Variants in CFP observed in about 807,000 individuals in gnomAD.
CFP encodes the protein properdin.
In CFP, 14 loss-of-function variants were observed where a neutral mutation model predicts 42.1. That is an observed-to-expected ratio of 0.33 (90% CI 0.22 to 0.52). CFP has a LOEUF of 0.52. CFP is among the 20% of genes least tolerant of loss of function. The probability of loss-of-function intolerance (pLI) is 0.96; values close to 1 mark genes in which losing one functional copy is unlikely to be tolerated. For synonymous variants in CFP, 149 were observed against 160.6 expected, an observed-to-expected ratio of 0.93 and a Z score of 0.54; for missense variants, 318 against 400.4, an observed-to-expected ratio of 0.79 and a Z score of 1.76.
At chrX:47,625,298 C>G (rs2057964205) in intron 8 of CFP, 1 of 112,674 alleles carries the variant, frequency 8.9e-6, no homozygotes, top group South Asian at 3.7e-4. Flanking sequence ...GCCGGGAGAT[C>G]CCTTCCCAGA....
At position 47,623,306 on chromosome X, in the gene CFP, G is replaced by A. The variant is rs899942195; in HGVS notation, c.*969C>T. 1 of 112,345 alleles carries A rather than the reference G, an allele frequency of 8.9e-6. No homozygotes were observed. The highest frequency in any genetic ancestry group is 3.2e-5 in the African/African-American group (1 of 30,843). The allele number at this position is 112,345 out of a possible 1,213,427, so 9.3% of individuals were successfully genotyped here. On this transcript the variant is annotated 3_prime_UTR_variant, in exon 9 of 9. Coordinates refer to ENST00000396992, the MANE Select transcript of CFP (RefSeq NM_001145252.3). ...GTCTGGCTTTGTTCCCTTTACTGCG[G>A]AGACACGTAACGCTCTGATTCCTCT...
In CFP at chrX:47,626,768, C is replaced by A. The variant is rs1240951519; in HGVS notation, c.940+5G>T. On this transcript the variant is annotated splice_donor_5th_base_variant and intron_variant, in intron 6 of 8. Transcript: ENST00000396992. ...CATGCAAATCGTGAACCCTGAGATG[C>A]TGACCAGGGCAGGGCACAGCTGTGT... 8.3e-7 allele frequency: 1 copy of A among 1,200,713 alleles called. No individual in the cohort carries two copies. Among genetic ancestry groups the A allele is most frequent in the Non-Finnish European group, 1.1e-6 (1 of 888,779 alleles).
Position 47,629,670 on chromosome X carries a change from T to C in CFP, c.81A>G (p.Ser27=). The C allele has an allele frequency of 8.9e-7, 1 of 1,118,174 alleles. No homozygotes were observed. The highest frequency in any genetic ancestry group is 1.2e-6 in the Non-Finnish European group (1 of 832,864). 92.2% of individuals were successfully genotyped at this position (1,118,174 alleles called of 1,213,427 possible). A position where few individuals can be genotyped will look rare whatever the true frequency, so the allele number is the denominator to read the frequency against. ...ACTGGGTGAAGCAGAGCACGGGGTC[T>C]GAGCCTGTAACAGGGCCAGGGGATG... ...LLLLTLPATG[S]DPVLCFTQYE... Residue 27 remains serine (S), a synonymous_variant, in exon 2 of 9, where the codon TCA becomes TCG. Transcript: ENST00000396992.
At chrX:47,624,604 C>A (rs1417602395) in intron 8 of CFP, 164 bp from the exon 9 acceptor site, 1 of 423,679 alleles carries the variant, frequency 2.4e-6, no homozygotes, top group Non-Finnish European at 3.8e-6. Context: ...GCCCAGGCTG[C>A]AGTGCAGTGG....
intron 3 of CFP, 105 bp from the exon 4 acceptor site, chrX:47,627,746 G>A: frequency 1.1e-6 from 1 of 874,801 alleles, no homozygotes; most frequent in Non-Finnish European, 1.6e-6. Flanking sequence ...TATATCCTCT[G>A]CCACCATTCT....
At position 47,628,200 on chromosome X, in the gene CFP, C is replaced by T. The variant is rs2147937441; in HGVS notation, c.305G>A (p.Arg102Gln). 3.3e-6 allele frequency: 4 copies of T among 1,211,406 alleles called. No homozygotes were observed. The highest frequency in any genetic ancestry group is 4.5e-6 in the Non-Finnish European group (4 of 895,355). ...TCSEGSQLRY[R>Q]RCVGWNGQCS... ...CTGCCCATTCCAGCCCACACAGCGC[C>T]GGTACCGCAGCTGGGAGCCCTCAGA... The change falls in exon 3 of 9, where the codon CGG (arginine) becomes CAG (glutamine). Residue 102 changes from arginine (R) to glutamine (Q), a missense_variant. By Grantham distance (43) the Arg-to-Gln change is conservative (BLOSUM62 1). Coordinates refer to ENST00000396992, the MANE Select transcript of CFP (RefSeq NM_001145252.3).
Position 47,624,194 on chromosome X carries a change from T to G in CFP, c.*81A>C. The G allele has an allele frequency of 9.1e-7, 1 of 1,098,032 alleles. No homozygotes were observed. Among genetic ancestry groups the G allele is most frequent in the South Asian group, 1.8e-5 (1 of 54,459 alleles). 90.5% of individuals were successfully genotyped at this position (1,098,032 alleles called of 1,213,427 possible). The stretch of plus-strand genomic sequence containing the variant: ...AGGGGATAGGTTGTTTTTCCTCCTT[T>G]AAGGAATCGTAGACGAACTCGAAGA... On this transcript the variant is annotated 3_prime_UTR_variant, in exon 9 of 9. Transcript: ENST00000396992.
Position 47,625,943 on chromosome X carries a change from C to T in CFP, c.1244+115G>A, listed in dbSNP as rs758728637. On this transcript the variant is annotated intron_variant, in intron 8 of 8. Transcript: ENST00000396992. ...CTTCCTGCAGCTGGGAGGTGGCACT[C>T]GGCAAGGCAGATACCTTAGATTCAG... is the stretch of plus-strand genomic sequence containing the variant. 12 of 606,990 alleles carry T rather than the reference C, an allele frequency of 2.0e-5. No individual in the cohort carries two copies. In the East Asian group the frequency reaches 2.1e-4, roughly 11 times the overall value. The allele number at this position is 606,990 out of a possible 1,213,427, so 50.0% of individuals were successfully genotyped here.
chrX:47,626,979 G>A, intron 5 of CFP, 33 bp from the exon 6 acceptor site: 1 of 1,157,623 alleles, frequency 8.6e-7, no homozygotes, highest in East Asian at 3.2e-5. Context: ...GAGGAGAAAG[G>A]CCTCCTCAAT....
intron 2 of CFP, chrX:47,628,504 T>G (rs754406508): frequency 5.9e-5 from 23 of 393,079 alleles, no homozygotes; most frequent in Non-Finnish European, 1.0e-4. Context: ...GGAGTTACCA[T>G]TGGAAGGCTG....
At position 47,626,533 on chromosome X, in the gene CFP, G is replaced by A. The variant is rs757262582; in HGVS notation, c.941-14C>T. On this transcript the variant is annotated splice_polypyrimidine_tract_variant and intron_variant, in intron 6 of 8. Coordinates refer to ENST00000396992, the MANE Select transcript of CFP (RefSeq NM_001145252.3). Reference sequence around the variant, plus strand: ...ACTCCCCATCCACTGCAGAGACAGGGCAACAGGGGATTGGACCAAAGCAGG... The same window carrying A: ...ACTCCCCATCCACTGCAGAGACAGGACAACAGGGGATTGGACCAAAGCAGG... 8.3e-7 allele frequency: 1 copy of A among 1,209,694 alleles called. No homozygotes were observed. Among genetic ancestry groups the A allele is most frequent in the Non-Finnish European group, 1.1e-6 (1 of 893,523 alleles).
intron 4 of CFP, 23 bp from the exon 5 acceptor site, chrX:47,627,355 G>A: frequency 1.7e-6 from 2 of 1,185,140 alleles, no homozygotes; most frequent in Admixed American, 2.3e-5. Flanking sequence ...GGGAGGTGGA[G>A]GGATGCAGGT....
chrX:47,628,912 C>T (rs2057980002), intron 2 of CFP: 4 of 161,380 alleles, frequency 2.5e-5, no homozygotes, highest in Non-Finnish European at 1.2e-5. Flanking sequence ...CTAGAGCTAC[C>T]CTCAGAAATC....
At chrX:47,628,546 G>A in intron 2 of CFP, 1 of 480,271 alleles carries the variant, frequency 2.1e-6, no homozygotes, top group Non-Finnish European at 3.8e-6. Flanking sequence ...AGTAAGCAAA[G>A]GTAAGGACTA....
In CFP at chrX:47,629,791, C is replaced by T. The variant is rs746716714; in HGVS notation, c.54G>A (p.Leu18=). The T allele has an allele frequency of 1.1e-5, 13 of 1,167,236 alleles. 1 individual carries two copies. Among genetic ancestry groups the T allele is most frequent in the South Asian group, 3.8e-5 (2 of 52,580 alleles). Residue 18 remains leucine, a synonymous_variant, in exon 1 of 9, where the codon CTG becomes CTA. Coordinates refer to ENST00000396992, the MANE Select transcript of CFP (RefSeq NM_001145252.3). ...CACCTGTGGCTGGCAGGGTGAGCAG[C>T]AGGAGCAGCGGCGGCAGCAACAATC... ...APRLLLPPLL[L]LLTLPATGSD... is the part of the protein sequence containing the mutation.
In CFP at chrX:47,626,343, T is replaced by C. The variant is rs935700885; in HGVS notation, c.1117A>G (p.Ile373Val). The C allele has an allele frequency of 6.5e-5, 79 of 1,209,143 alleles. No homozygotes were observed. The highest frequency in any genetic ancestry group is 8.7e-5 in the Non-Finnish European group (78 of 894,793). ...QQQDIRHCYS[I>V]QHCPLKGSWS... ...GGACACTCACAGGGGCAGTGCTGGA[T>C]GCTGTAGCAGTGCCGGATATCCTGC... The change falls in exon 7 of 9, where the codon ATC becomes GTC. Residue 373 changes from isoleucine to valine, a missense_variant. Transcript: ENST00000396992.
At chrX:47,624,473 G>C (rs1238864688) in intron 8 of CFP, 33 bp from the exon 9 acceptor site, 1 of 1,182,511 alleles carries the variant, frequency 8.5e-7, no homozygotes, top group Non-Finnish European at 1.1e-6. Context: ...GAACGGAAGG[G>C]AGAATCTCAG....
At chrX:47,630,297 G>A (rs2057986116), upstream of CFP, 1 of 168,821 alleles carries the variant, frequency 5.9e-6, no homozygotes, top group Non-Finnish European at 1.1e-5. Context: ...AAGTGAGTGT[G>A]CGGTGCTCAG....
intron 2 of CFP, 134 bp from the exon 3 acceptor site, chrX:47,628,411 T>C (rs770249628): frequency 6.5e-6 from 4 of 613,920 alleles, no homozygotes; most frequent in Non-Finnish European, 1.1e-5. Context: ...CCTTACCTTT[T>C]AGGGATATTG....
Sources: gnomAD v4.1 joint callset for allele counts on GRCh38, gnomAD v4.1.1 for gene constraint, MANE v1.5 for transcripts, NCBI Gene and HGNC (gene_info 2026-07-23, HGNC 2026-07-21) for gene names.